IFT74: variants seen among roughly 807,000 people sequenced by gnomAD.
The protein encoded by IFT74 is intraflagellar transport protein 74 homolog.
Under a neutral mutation model 96.7 loss-of-function variants are expected in IFT74, and 92 were observed. The ratio of observed to expected loss-of-function variants is 0.95; its 90% CI spans 0.80 to 1.13. The LOEUF is 1.13. Ranked by LOEUF, IFT74 falls within the 50% of genes most tolerant of loss-of-function variation. The pLI is 0.00. For missense variants in IFT74, 811 were observed against 698.2 expected (o/e 1.16, Z -1.82); for synonymous variants, 223 against 213.2 (o/e 1.05, Z -0.40).
chr9:26,969,281 G>C (rs1188406190), intron 2 of IFT74, among the ~76,000 whole-genome samples: 1 of 151,822 alleles, frequency 6.6e-6, no homozygotes, highest in Non-Finnish European at 1.5e-5. Context: ...ATATATTTAG[G>C]ATTGTTGTAT....
intron 1 of IFT74, among the ~76,000 whole-genome samples, chr9:26,949,599 AACCAATGC>A (rs1825870547): frequency 6.6e-6 from 1 of 152,184 alleles, no homozygotes; most frequent in South Asian, 2.1e-4. Flanking sequence ...CCTTCCAAAA[AACCAATGC>A]ACTGAGAACT....
chr9:26,950,108 C>T (rs1011531535), intron 1 of IFT74, among the ~76,000 whole-genome samples: 3 of 152,010 alleles, frequency 2.0e-5, no homozygotes, highest in East Asian at 1.9e-4. Context: ...GTCAGGAGAT[C>T]GAGACCATCC....
At chr9:27,016,118 C>T (rs1829330673) in intron 10 of IFT74, among the ~76,000 whole-genome samples, 1 of 152,162 alleles carries the variant, frequency 6.6e-6, no homozygotes, top group Non-Finnish European at 1.5e-5. Context: ...TCTCACAGTT[C>T]CAGAGCCTGG....
At chr9:26,982,715 A>T (rs746898607) in intron 4 of IFT74, among the ~76,000 whole-genome samples, 1 of 152,012 alleles carries the variant, frequency 6.6e-6, no homozygotes, top group Non-Finnish European at 1.5e-5. Flanking sequence ...TTGGCCTCTT[A>T]GAGTGCTGGG....
upstream of IFT74, among the ~76,000 whole-genome samples, chr9:26,952,903 C>G (rs977918257): frequency 1.3e-5 from 2 of 152,124 alleles, no homozygotes; most frequent in African/African-American, 4.8e-5. Flanking sequence ...ATATCAATTT[C>G]TTATGCATAA....
At chr9:27,055,805 T>G (rs1251866238) in intron 17 of IFT74, 33 bp downstream of exon 17, 16 of 1,370,988 alleles carry the variant, frequency 1.2e-5, no homozygotes, top group Non-Finnish European at 1.6e-5. Flanking sequence ...AGAATTACAA[T>G]TCAGATTGTT....
intron 8 of IFT74, chr9:26,999,519 T>G (rs1354912137): frequency 2.2e-6 from 2 of 904,882 alleles, no homozygotes; most frequent in African/African-American, 3.5e-5. Context: ...TAGGTCAGAT[T>G]TTCTTTGCTT....
Position 27,064,466 on chromosome 9 carries a change from C to T in IFT74, c.*1730C>T, listed in dbSNP as rs1429045764. Among the ~76,000 whole-genome samples, 1 of 152,072 alleles carries T rather than the reference C, an allele frequency of 6.6e-6. No homozygotes were observed. The highest frequency in any genetic ancestry group is 2.1e-4 in the South Asian group (1 of 4,824). ...ATTTTGATGACAGTTTGCAGCCCTT[C>T]GTTCATTCATAAAGTATTACTGTAA... On this transcript the variant is annotated 3_prime_UTR_variant, in exon 20 of 20. Transcript: ENST00000380062.
chr9:26,962,114 T>A (rs781626080), intron 2 of IFT74, 27 bp downstream of exon 2: 35 of 1,612,814 alleles, frequency 2.2e-5, no homozygotes, highest in Non-Finnish European at 2.9e-5. Flanking sequence ...TCTATTTACT[T>A]TGGGAGGCCA....
chr9:26,956,378 GC>G (rs1167073201), upstream of IFT74: 1 of 152,260 alleles, frequency 6.6e-6, no homozygotes, highest in Non-Finnish European at 1.5e-5. Flanking sequence ...CCGCTATCCC[GC>G]CCCCGTTGCC....
At chr9:27,021,876 A>G (rs982217942) in intron 12 of IFT74, among the ~76,000 whole-genome samples, 2 of 152,084 alleles carry the variant, frequency 1.3e-5, no homozygotes, top group Non-Finnish European at 2.9e-5. Context: ...ATTTGCTTTT[A>G]GGTTCTTTCA....
intron 18 of IFT74, among the ~76,000 whole-genome samples, chr9:27,057,586 G>A (rs1426935691): frequency 9.9e-5 from 15 of 152,068 alleles, no homozygotes; most frequent in Admixed American, 9.2e-4. Flanking sequence ...GGCCAGGCAC[G>A]GTGGTTCACG....
At chr9:27,024,626 G>A (rs953270996) in intron 12 of IFT74, among the ~76,000 whole-genome samples, 1 of 152,110 alleles carries the variant, frequency 6.6e-6, no homozygotes, top group Non-Finnish European at 1.5e-5. Flanking sequence ...ATCCCCAGAA[G>A]ATCACACTAG....
chr9:26,979,876 C>G (rs1307964763), intron 3 of IFT74, among the ~76,000 whole-genome samples: 1 of 151,776 alleles, frequency 6.6e-6, no homozygotes, highest in Non-Finnish European at 1.5e-5. Flanking sequence ...CAATGCCCAG[C>G]TAATTTTTTT....
chr9:26,997,405 C>T (rs1481934461), intron 8 of IFT74, among the ~76,000 whole-genome samples: 1 of 146,068 alleles, frequency 6.8e-6, no homozygotes, highest in East Asian at 2.3e-4. Flanking sequence ...ACGATCTCGG[C>T]TCACTGTAAC....
Position 27,043,186 on chromosome 9 carries a change from T to A in IFT74, c.1055-1556T>A, listed in dbSNP as rs138161511. ...AGCCTGGCTAGGAATTTGTGACCAT[T>A]AGGTATTTACTGTCCTTAAACATTA... On this transcript the variant is annotated intron_variant, in intron 13 of 19. Coordinates refer to ENST00000380062, the MANE Select transcript of IFT74 (RefSeq NM_025103.4). Among the ~76,000 whole-genome samples the A allele has an allele frequency of 2.4e-4, 36 of 152,300 alleles. No homozygotes were observed. The East Asian group carries it at 6.2e-3, about 26-fold the overall frequency.
At chr9:27,040,567 A>AAG in intron 13 of IFT74, among the ~76,000 whole-genome samples, 1 of 150,330 alleles carries the variant, frequency 6.7e-6, no homozygotes, top group Admixed American at 6.6e-5. Context: ...AAAAAAAAAA[A>AAG]GAAGGAAAGG....
intron 9 of IFT74, 62 bp downstream of exon 9, chr9:27,009,220 G>A (rs1335775082): frequency 2.8e-5 from 41 of 1,459,782 alleles, no homozygotes; most frequent in Non-Finnish European, 3.7e-5. Context: ...AGTATAGTTT[G>A]AATATCAGCA....
chr9:27,055,548 T>A, intron 16 of IFT74, 61 bp from the exon 17 acceptor site: 1 of 1,132,702 alleles, frequency 8.8e-7, no homozygotes, highest in East Asian at 2.7e-5. Context: ...TTGCATTACA[T>A]TTCCTTATGT....
Sources: gnomAD v4.1 joint callset for allele counts (sites outside exome capture counted in the v4.1 genomes callset) on GRCh38, gnomAD v4.1.1 for gene constraint, MANE v1.5 for transcripts, NCBI Gene and HGNC (gene_info 2026-07-23, HGNC 2026-07-21) for gene names.